SNED1: variants seen among roughly 807,000 people sequenced by gnomAD.
SNED1 encodes the protein sushi, nidogen and EGF like domains 1.
A neutral mutation model predicts 166.7 loss-of-function variants in SNED1; 81 were observed. That is an observed-to-expected ratio of 0.49 (90% confidence interval 0.41 to 0.58). The LOEUF (loss-of-function observed/expected upper bound fraction) is 0.58, where lower values mean the gene tolerates loss of function less well. Ranked by LOEUF, SNED1 falls within the 20% of genes least tolerant of loss-of-function variation. The pLI is 0.00. For synonymous variants in SNED1, 762 were observed against 822.0 expected (o/e 0.93, Z 1.25); for missense variants, 1,604 against 2,000.2 (o/e 0.80, Z 3.78).
In SNED1 at chr2:241,082,412, T is replaced by C. The variant is rs545254471; in HGVS notation, c.4121+48T>C. 4.8e-6 allele frequency: 7 copies of C among 1,461,352 alleles called. No homozygotes were observed. The African/African-American group carries it at 8.4e-5, about 18-fold the overall frequency. 90.5% of individuals were successfully genotyped at this position (1,461,352 alleles called of 1,614,324 possible). On this transcript the variant is annotated intron_variant, in intron 29 of 31. Coordinates refer to ENST00000310397, the MANE Select transcript of SNED1 (RefSeq NM_001080437.3). ...CCTTACCGCATTTGTCGTGTGTTCT[T>C]GACTCCTCAAAGTGCTGTCTCAAAG...
At chr2:241,080,240 C>T (rs565501178) in intron 27 of SNED1, among the ~76,000 whole-genome samples, 5 of 152,180 alleles carry the variant, frequency 3.3e-5, no homozygotes, top group African/African-American at 4.8e-5. Flanking sequence ...GCTGAGATCG[C>T]GACACTGCAC....
chr2:241,081,954 G>T (rs564103502), intron 28 of SNED1, among the ~76,000 whole-genome samples, 161 bp downstream of exon 28: 4 of 152,330 alleles, frequency 2.6e-5, no homozygotes, highest in Middle Eastern at 3.4e-3. Context: ...CCCAGGGGCT[G>T]CGCTGCTGCC....
intron 1 of SNED1, among the ~76,000 whole-genome samples, chr2:241,029,326 C>T (rs1457917216): frequency 3.3e-5 from 5 of 152,210 alleles, no homozygotes; most frequent in African/African-American, 1.2e-4. Context: ...AAGGCACTGT[C>T]AGTCAGCCTC....
chr2:241,006,365 T>A (rs867058027), intron 1 of SNED1, among the ~76,000 whole-genome samples: 3 of 152,380 alleles, frequency 2.0e-5, no homozygotes, highest in Non-Finnish European at 2.9e-5. Context: ...ATATACTTTT[T>A]AATGCAATAC....
At chr2:241,044,435 G>A (rs1270217040) in intron 8 of SNED1, among the ~76,000 whole-genome samples, 1 of 152,232 alleles carries the variant, frequency 6.6e-6, no homozygotes, top group African/African-American at 2.4e-5. Flanking sequence ...ATCCTGGACA[G>A]AATGCATGGA....
At chr2:241,036,146 G>A (rs1418863485) in intron 4 of SNED1, among the ~76,000 whole-genome samples, 4 of 151,454 alleles carry the variant, frequency 2.6e-5, no homozygotes, top group Non-Finnish European at 5.9e-5. Context: ...AGCACCGCGC[G>A]CTCATGGGAA....
intron 11 of SNED1, 38 bp from the exon 12 acceptor site, chr2:241,049,779 C>T (rs760009970): frequency 1.6e-5 from 25 of 1,524,810 alleles, no homozygotes; most frequent in African/African-American, 4.1e-5. Flanking sequence ...ACAGATGCGG[C>T]GTAAGCTCCA....
rs896379547 is a variant in SNED1 at position 241,051,564 on chromosome 2, C to T, written c.1736-180C>T. 11 of 462,886 alleles carry T rather than the reference C, an allele frequency of 2.4e-5. No homozygotes were observed. Among genetic ancestry groups the T allele is most frequent in the African/African-American group, 1.2e-4 (6 of 50,104 alleles). The allele number at this position is 462,886 out of a possible 1,614,324, so 28.7% of individuals were successfully genotyped here. ...GAGTTGGGGTCTCCAGCCTGTGAGC[C>T]CCACCCCAGCCCCCACCATGTGTGC... On this transcript the variant is annotated intron_variant, in intron 12 of 31. Transcript: ENST00000310397. The surrounding 1 kb of genome is among the most constrained non-coding windows in gnomAD (Gnocchi z 4.7).
intron 16 of SNED1, among the ~76,000 whole-genome samples, chr2:241,056,662 T>G (rs960498951): frequency 7.0e-5 from 10 of 141,956 alleles, no homozygotes; most frequent in African/African-American, 1.6e-4. Context: ...CTCACTGCAA[T>G]CTCCGCCTCC....
chr2:241,008,781 C>T (rs529214837), intron 1 of SNED1, among the ~76,000 whole-genome samples: 104 of 152,342 alleles, frequency 6.8e-4, no homozygotes, highest in Middle Eastern at 3.4e-3. Flanking sequence ...CTGGGCTCTG[C>T]GGGCCAGTCA....
rs1184666890 is a variant in SNED1, at chr2:241,068,965, CAG to C, written c.3250_3251del (p.Arg1084GlyfsTer119). 2 of 1,557,184 alleles carry C rather than the reference CAG, an allele frequency of 1.3e-6. No homozygotes were observed. Among genetic ancestry groups the C allele is most frequent in the Non-Finnish European group, 1.7e-6 (2 of 1,150,758 alleles). ...TCCAGCTGACCACCCTCAGTGGGCT[CAG>C]GGGAGAGGAGCACCCCACAGAGAGC... ...TIQLTTLSGL[R>X]GEEHPTESLA... On this transcript the variant is annotated frameshift_variant, in exon 23 of 32. Coordinates refer to ENST00000310397, the MANE Select transcript of SNED1 (RefSeq NM_001080437.3). LOFTEE classifies it high-confidence loss of function. The surrounding 1 kb of genome is among the most constrained non-coding windows in gnomAD (Gnocchi z 5.3).
intron 8 of SNED1, among the ~76,000 whole-genome samples, chr2:241,042,236 C>A (rs1374934123): frequency 3.9e-5 from 6 of 152,134 alleles, no homozygotes; most frequent in African/African-American, 1.4e-4. Context: ...GGGGAAAGAA[C>A]CACTAGAAAG....
intron 1 of SNED1, among the ~76,000 whole-genome samples, chr2:241,023,519 G>A (rs2060831075): frequency 6.6e-6 from 1 of 151,866 alleles, no homozygotes; most frequent in Non-Finnish European, 1.5e-5. Context: ...ATATCTATTA[G>A]GTCATTTATT....
At chr2:241,063,418 C>T (rs573145310) in intron 17 of SNED1, 169 bp from the exon 18 acceptor site, 2 of 630,246 alleles carry the variant, frequency 3.2e-6, no homozygotes, top group Admixed American at 2.3e-5. Context: ...GCACGCCTCC[C>T]GAGGAGGGGT....
In SNED1 at chr2:241,049,144, C is replaced by G. The variant is rs753105668; in HGVS notation, c.1618+9C>G. ...CCACAATGCCAGCCACTGTGAGTAG[C>G]TCGGGGACGAGCCTGCTGGGCCGGG... On this transcript the variant is annotated intron_variant, in intron 11 of 31. Coordinates refer to ENST00000310397, the MANE Select transcript of SNED1 (RefSeq NM_001080437.3). 1.2e-6 allele frequency: 2 copies of G among 1,604,684 alleles called. No homozygotes were observed. The highest frequency in any genetic ancestry group is 1.7e-6 in the Non-Finnish European group (2 of 1,174,596).
intron 1 of SNED1, among the ~76,000 whole-genome samples, chr2:241,024,752 A>G (rs1382778337): frequency 1.3e-5 from 2 of 150,322 alleles, no homozygotes; most frequent in East Asian, 4.0e-4. Context: ...GCTTACTGCA[A>G]ACTCTGCCTC....
intron 24 of SNED1, 81 bp from the exon 25 acceptor site, chr2:241,071,495 G>A: frequency 1.3e-6 from 2 of 1,484,634 alleles, no homozygotes; most frequent in Non-Finnish European, 1.8e-6. Context: ...TGAGTGTGAG[G>A]GGCACCACCC....
In SNED1 at chr2:241,018,136, G is replaced by A. The variant is rs1271204192; in HGVS notation, c.214-12148G>A. On this transcript the variant is annotated intron_variant, in intron 1 of 31. Coordinates refer to ENST00000310397, the MANE Select transcript of SNED1 (RefSeq NM_001080437.3). This position sits in a 1 kb window ranked among gnomAD's most constrained non-coding sequence, Gnocchi z 5.4. Reference sequence around the variant, plus strand: ...TAGCTCTGTCTGAGAACCGCCATTCGCCTTGCCGTGGTCCCTGCTGTGCTG... The same window carrying A: ...TAGCTCTGTCTGAGAACCGCCATTCACCTTGCCGTGGTCCCTGCTGTGCTG... 1.3e-5 allele frequency among the ~76,000 whole-genome samples: 2 copies of A among 152,202 alleles called. No individual in the cohort carries two copies. The highest frequency in any genetic ancestry group is 2.4e-5 in the African/African-American group (1 of 41,442).
intron 18 of SNED1, 70 bp from the exon 19 acceptor site, chr2:241,063,942 C>T: frequency 8.4e-7 from 1 of 1,188,256 alleles, no homozygotes; most frequent in Non-Finnish European, 1.2e-6. Flanking sequence ...TCCCTTCTTC[C>T]CGCTGTCCTC....
Sources: gnomAD v4.1 joint callset for allele counts (sites outside exome capture counted in the v4.1 genomes callset) on GRCh38, gnomAD v4.1.1 for gene constraint, Gnocchi (gnomAD v3.1) non-coding constraint, MANE v1.5 for transcripts, NCBI Gene and HGNC (gene_info 2026-07-23, HGNC 2026-07-21) for gene names.